The following MDGA2 variants were observed in gnomAD, a reference collection of about 807,000 sequenced individuals.
MDGA2 encodes the protein MAM domain-containing glycosylphosphatidylinositol anchor protein 2.
A neutral mutation model predicts 117.8 loss-of-function variants in MDGA2; 40 were observed. The observed-to-expected ratio is 0.34, with a 90% CI of 0.26 to 0.44. The LOEUF is 0.44. Among genes scored for constraint, MDGA2 ranks in the 20% least tolerant of loss-of-function variants. The probability of loss-of-function intolerance (pLI) is 1.00; values close to 1 mark genes in which losing one functional copy is unlikely to be tolerated. For missense variants in MDGA2, 1,123 were observed against 1,250.6 expected (o/e 0.90, Z 1.54); for synonymous variants, 452 against 439.0 (o/e 1.03, Z -0.37).
At chr14:47,094,983 T>A (rs1232104294) in intron 6 of MDGA2, among the ~76,000 whole-genome samples, 2 of 152,078 alleles carry the variant, frequency 1.3e-5, no homozygotes, top group African/African-American at 4.8e-5. Flanking sequence ...ATTCTTTGTT[T>A]TCTATATATT....
chr14:47,101,167 T>C (rs1880301313), intron 5 of MDGA2, among the ~76,000 whole-genome samples: 1 of 151,478 alleles, frequency 6.6e-6, no homozygotes, highest in Non-Finnish European at 1.5e-5. Context: ...GGCATAGTGA[T>C]TTCGAATGAC....
intron 1 of MDGA2, among the ~76,000 whole-genome samples, chr14:47,659,766 C>T (rs1293222066): frequency 6.6e-6 from 1 of 152,182 alleles, no homozygotes; most frequent in Non-Finnish European, 1.5e-5. Flanking sequence ...TCTATAAGTA[C>T]TCCCAAATAT....
At chr14:47,292,639 G>T (rs115229249) in intron 2 of MDGA2, among the ~76,000 whole-genome samples, 13,824 of 152,106 alleles carry the variant, frequency 0.091, 764 homozygotes, top group Non-Finnish European at 0.11. Context: ...CAGCATTTTT[G>T]TGTAACTTTC....
At chr14:47,080,961 C>A (rs1231532731) in intron 6 of MDGA2, among the ~76,000 whole-genome samples, 2 of 152,130 alleles carry the variant, frequency 1.3e-5, no homozygotes, top group Admixed American at 6.5e-5. Context: ...AATCATCCAA[C>A]TCCAGAGTCT....
At chr14:47,388,731 A>G (rs1024031377) in intron 1 of MDGA2, among the ~76,000 whole-genome samples, 1 of 152,166 alleles carries the variant, frequency 6.6e-6, no homozygotes, top group Non-Finnish European at 1.5e-5. Flanking sequence ...CTGGTCTCAG[A>G]GAAAAAGGGG....
chr14:47,062,654 T>TAC (rs982205751), intron 6 of MDGA2, among the ~76,000 whole-genome samples: 13 of 151,960 alleles, frequency 8.6e-5, no homozygotes, highest in African/African-American at 3.1e-4. Flanking sequence ...AATGATATTG[T>TAC]CAAAAATGCC....
intron 2 of MDGA2, among the ~76,000 whole-genome samples, chr14:47,285,630 T>A (rs1888645372): frequency 3.9e-5 from 6 of 152,072 alleles, no homozygotes; most frequent in Admixed American, 3.3e-4. Context: ...ATTTCCCAAG[T>A]GTCTTTAAGT....
At chr14:47,215,778 T>C (rs1886063941) in intron 3 of MDGA2, among the ~76,000 whole-genome samples, 1 of 152,142 alleles carries the variant, frequency 6.6e-6, no homozygotes, top group Admixed American at 6.6e-5. Flanking sequence ...TCAAATGGTA[T>C]AATTGTAGAC....
intron 8 of MDGA2, among the ~76,000 whole-genome samples, chr14:46,989,565 T>C (rs535943129): frequency 6.6e-6 from 1 of 152,198 alleles, no homozygotes; most frequent in South Asian, 2.1e-4. Context: ...CTGTTGGCAA[T>C]AGCTACTCAA....
At chr14:47,176,370 T>C (rs1409592196) in intron 3 of MDGA2, among the ~76,000 whole-genome samples, 6 of 152,160 alleles carry the variant, frequency 3.9e-5, no homozygotes, top group Non-Finnish European at 8.8e-5. Flanking sequence ...AGAACAAAGC[T>C]GGAGGCATCA....
chr14:46,955,294 T>C (rs1274615572), intron 9 of MDGA2, among the ~76,000 whole-genome samples: 2 of 152,014 alleles, frequency 1.3e-5, no homozygotes, highest in Admixed American at 1.3e-4. Context: ...CCTTTAGAAC[T>C]TGTAAAAAAT....
intron 6 of MDGA2, among the ~76,000 whole-genome samples, chr14:47,086,491 C>T (rs1890905855): frequency 6.6e-6 from 1 of 151,876 alleles, no homozygotes; most frequent in South Asian, 2.1e-4. Context: ...TATGTAAAAC[C>T]ACATGCAATT....
chr14:46,902,001 T>G (rs142337352), intron 10 of MDGA2, among the ~76,000 whole-genome samples: 14 of 152,340 alleles, frequency 9.2e-5, no homozygotes, highest in Non-Finnish European at 1.6e-4. Context: ...TAGGTTTAAG[T>G]GCAGTTGTCA....
chr14:47,633,623 A>G (rs547599499), intron 1 of MDGA2, among the ~76,000 whole-genome samples: 1 of 152,348 alleles, frequency 6.6e-6, no homozygotes, highest in East Asian at 1.9e-4. Flanking sequence ...GAATTCCAAT[A>G]CATCCCAAAA....
At chr14:46,914,631 T>A (rs957479323) in intron 10 of MDGA2, among the ~76,000 whole-genome samples, 3 of 152,108 alleles carry the variant, frequency 2.0e-5, no homozygotes, top group Non-Finnish European at 4.4e-5. Flanking sequence ...GTTTTTATAA[T>A]CCTATTTAAT....
intron 2 of MDGA2, among the ~76,000 whole-genome samples, chr14:47,289,304 TACACAC>T (rs3039467): frequency 0.033 from 4,590 of 140,456 alleles, 175 homozygotes; most frequent in East Asian, 0.19. Context: ...TTTCTGGACT[TACACAC>T]ACACACACAC....
At chr14:46,919,135 A>C (rs1884024733) in intron 10 of MDGA2, among the ~76,000 whole-genome samples, 1 of 152,220 alleles carries the variant, frequency 6.6e-6, no homozygotes, top group Admixed American at 6.5e-5. Context: ...ATGATAGAAT[A>C]GCTGAATGAA....
intron 6 of MDGA2, among the ~76,000 whole-genome samples, chr14:47,068,084 G>A (rs564530276): frequency 2.6e-5 from 4 of 151,848 alleles, no homozygotes; most frequent in Non-Finnish European, 5.9e-5. Context: ...ATGAAGTTGG[G>A]GTTCTATTTA....
intron 7 of MDGA2, among the ~76,000 whole-genome samples, chr14:47,055,786 T>C (rs1361931789): frequency 1.3e-5 from 2 of 152,172 alleles, no homozygotes; most frequent in African/African-American, 2.4e-5. Flanking sequence ...ATTTATTGCC[T>C]ATGGCAGCTT....
Sources: allele counts gnomAD v4.1 joint callset (sites outside exome capture counted in the v4.1 genomes callset), GRCh38; gene constraint gnomAD v4.1.1; transcripts MANE v1.5; gene names NCBI Gene and HGNC (gene_info 2026-07-23, HGNC 2026-07-21).